Variants in VPS13A observed in about 807,000 individuals in gnomAD.
The protein encoded by VPS13A is intermembrane lipid transfer protein VPS13A.
A neutral mutation model predicts 390.9 loss-of-function variants in VPS13A; 264 were observed. That is an observed-to-expected ratio of 0.68 (90% CI 0.61 to 0.75). The LOEUF (loss-of-function observed/expected upper bound fraction) is 0.75, where lower values mean the gene tolerates loss of function less well. VPS13A is among the 30% of genes least tolerant of loss of function. VPS13A has a pLI of 0.00. For synonymous variants in VPS13A, 1,231 were observed against 1,227.1 expected, an observed-to-expected ratio of 1.00 and a Z score of -0.07; for missense variants, 3,409 against 3,733.9, an observed-to-expected ratio of 0.91 and a Z score of 2.27.
chr9:77,397,358 G>C, intron 68 of VPS13A, among the ~76,000 whole-genome samples: 1 of 152,034 alleles, frequency 6.6e-6, no homozygotes, highest in East Asian at 1.9e-4. Context: ...TGCAACACTT[G>C]TCTTCCACAT....
chr9:77,414,623 A>G (rs1027224204), intron 71 of VPS13A, among the ~76,000 whole-genome samples: 1 of 152,034 alleles, frequency 6.6e-6, no homozygotes, highest in Non-Finnish European at 1.5e-5. Context: ...TAGCATTAGG[A>G]GATATACCTA....
At chr9:77,229,682 T>C (rs1213598001) in intron 17 of VPS13A, among the ~76,000 whole-genome samples, 1 of 152,202 alleles carries the variant, frequency 6.6e-6, no homozygotes, top group African/African-American at 2.4e-5. Context: ...GTTGAGGATA[T>C]TTAGGTTGTT....
chr9:77,300,890 T>C (rs942463659), intron 33 of VPS13A, among the ~76,000 whole-genome samples: 9 of 152,272 alleles, frequency 5.9e-5, no homozygotes. Flanking sequence ...CACATGCCAA[T>C]CATCTAAGTA....
chr9:77,218,175 G>A (rs1471247215), intron 10 of VPS13A, among the ~76,000 whole-genome samples: 5 of 147,078 alleles, frequency 3.4e-5, no homozygotes, highest in Non-Finnish European at 7.5e-5. Context: ...GTGCAGTGGC[G>A]CAATCTTGGC....
At position 77,339,745 on chromosome 9, in the gene VPS13A, A is replaced by C. The variant is rs769295188; in HGVS notation, c.6608A>C (p.Asn2203Thr). The change falls in exon 48 of 72, where the codon AAT becomes ACT. Residue 2203 changes from asparagine to threonine, a missense_variant. Transcript: ENST00000360280. ...GATATTGCTGTCCATATGACTTACAATACTGGTCAGACAGTTGTGGCATTT... is the reference window on the plus strand; with the variant it reads ...GATATTGCTGTCCATATGACTTACACTACTGGTCAGACAGTTGTGGCATTT... ...DLDIAVHMTY[N>T]TGQTVVAFHS... 29 of 1,613,996 alleles carry C rather than the reference A, an allele frequency of 1.8e-5. No individual in the cohort carries two copies. The South Asian group carries it at 3.0e-4, about 16-fold the overall frequency.
intron 31 of VPS13A, 147 bp downstream of exon 31, chr9:77,283,797 C>A: frequency 1.6e-6 from 1 of 620,274 alleles, no homozygotes; most frequent in Non-Finnish European, 2.8e-6. Flanking sequence ...TAATTGGGTT[C>A]TTAGCTCTAC....
Position 77,411,613 on chromosome 9 carries a change from A to T in VPS13A, c.9474+4006A>T, listed in dbSNP as rs558382321. On this transcript the variant is annotated intron_variant, in intron 71 of 71. Transcript: ENST00000360280. ...GGGAGGCGGAGCTTGCAATCAGCCG[A>T]GATGGCGCCACTGCACTCCAGCCTA... Among the ~76,000 whole-genome samples the T allele has an allele frequency of 7.4e-3, 1,012 of 136,168 alleles. 5 individuals carry two copies. Among genetic ancestry groups the T allele is most frequent in the Non-Finnish European group, 0.011 (731 of 64,640 alleles). 89.3% of individuals were successfully genotyped at this position (136,168 alleles called of 152,430 possible).
chr9:77,303,194 T>G (rs939496966), intron 34 of VPS13A, 132 bp downstream of exon 34: 3 of 922,300 alleles, frequency 3.3e-6, no homozygotes, highest in African/African-American at 1.7e-5. Context: ...AGTGATTATA[T>G]TAAACTAGAA....
chr9:77,282,695 G>A (rs1214115792), intron 29 of VPS13A, among the ~76,000 whole-genome samples: 1 of 152,102 alleles, frequency 6.6e-6, no homozygotes, highest in African/African-American at 2.4e-5. Flanking sequence ...GACCCAGGGA[G>A]GTGAGCGCTG....
intron 50 of VPS13A, 73 bp downstream of exon 50, chr9:77,340,623 C>G: frequency 1.3e-6 from 2 of 1,572,272 alleles, no homozygotes; most frequent in Non-Finnish European, 1.7e-6. Flanking sequence ...CCTAAAGTCA[C>G]CATGTAATGT....
At chr9:77,279,743 A>T in intron 26 of VPS13A, 1 of 184,656 alleles carries the variant, frequency 5.4e-6, no homozygotes, top group Non-Finnish European at 1.1e-5. Context: ...GTTTCATCTC[A>T]TTCCCGGTCT....
chr9:77,221,549 T>A (rs1823214195), intron 13 of VPS13A, among the ~76,000 whole-genome samples, 193 bp downstream of exon 13: 2 of 152,132 alleles, frequency 1.3e-5, no homozygotes, highest in African/African-American at 4.8e-5. Flanking sequence ...CCAGTGAGCT[T>A]TTGAAATTCG....
chr9:77,378,621 C>CATTTTTGTT (rs1407770157), intron 67 of VPS13A, among the ~76,000 whole-genome samples: 1 of 151,618 alleles, frequency 6.6e-6, no homozygotes, highest in Non-Finnish European at 1.5e-5. Flanking sequence ...GATGGCGTGT[C>CATTTTTGTT]ATTTTTGTTG....
chr9:77,412,512 C>T (rs983561895), intron 71 of VPS13A, among the ~76,000 whole-genome samples: 2 of 152,130 alleles, frequency 1.3e-5, no homozygotes, highest in Non-Finnish European at 2.9e-5. Flanking sequence ...TATCGCAATA[C>T]ATGCAGAAAA....
chr9:77,353,581 T>A lies in VPS13A; in HGVS notation c.7592T>A (p.Val2531Asp), dbSNP rs552507289. 6.2e-7 allele frequency: 1 copy of A among 1,613,528 alleles called. No homozygotes were observed. Among genetic ancestry groups the A allele is most frequent in the African/African-American group, 1.3e-5 (1 of 75,024 alleles). Residue 2531 changes from valine to aspartate, a missense_variant, in exon 54 of 72, where the codon GTT becomes GAT. Val to Asp is a radical substitution (Grantham distance 152). Coordinates refer to ENST00000360280, the MANE Select transcript of VPS13A (RefSeq NM_033305.3). ...EQEIAVALQD[V>D]GISLVNNYTK... ...GAAATTGCAGTGGCATTACAAGATG[T>A]TGGAATTTCTCTTGTCAACAATTAC...
chr9:77,413,259 C>G (rs1224798896), intron 71 of VPS13A, among the ~76,000 whole-genome samples: 1 of 152,102 alleles, frequency 6.6e-6, no homozygotes, highest in East Asian at 1.9e-4. Flanking sequence ...TCATATGGAA[C>G]CAAAAAAGAG....
At chr9:77,317,473 T>C in intron 39 of VPS13A, 133 bp from the exon 40 acceptor site, 3 of 615,968 alleles carry the variant, frequency 4.9e-6, no homozygotes, top group Non-Finnish European at 8.4e-6. Context: ...AAGGAGTGTA[T>C]TATTAAGTCA....
chr9:77,328,738 C>T (rs1279189106), intron 45 of VPS13A, among the ~76,000 whole-genome samples: 1 of 152,212 alleles, frequency 6.6e-6, no homozygotes, highest in African/African-American at 2.4e-5. Context: ...TCATGTCTCT[C>T]AGCCTTCATA....
chr9:77,336,655 A>G (rs955910200), intron 46 of VPS13A, among the ~76,000 whole-genome samples: 7 of 152,146 alleles, frequency 4.6e-5, no homozygotes, highest in South Asian at 2.1e-4. Context: ...CTTTGCATAT[A>G]TAACTGATAC....
Sources: gnomAD v4.1 joint callset for allele counts (sites outside exome capture counted in the v4.1 genomes callset) on GRCh38, gnomAD v4.1.1 for gene constraint, MANE v1.5 for transcripts, NCBI Gene and HGNC (gene_info 2026-07-23, HGNC 2026-07-21) for gene names.